The following ABLIM2 variants were observed in gnomAD, a reference collection of about 807,000 sequenced individuals.
ABLIM2 encodes actin binding LIM protein family member 2.
In ABLIM2, 53 loss-of-function variants were observed where a neutral mutation model predicts 97.7. The ratio of observed to expected loss-of-function variants is 0.54; its 90% CI spans 0.44 to 0.68. The LOEUF is 0.68. Among genes scored for constraint, ABLIM2 ranks in the 30% least tolerant of loss-of-function variants. The pLI, the probability that ABLIM2 is intolerant of heterozygous loss-of-function variation, is 0.00. For missense variants in ABLIM2, 835 were observed against 867.2 expected (o/e 0.96, Z 0.47); for synonymous variants, 361 against 345.8 (o/e 1.04, Z -0.49).
intron 11 of ABLIM2, 68 bp from the exon 12 acceptor site, chr4:8,027,925 C>T (rs1778441913): frequency 1.8e-6 from 2 of 1,126,082 alleles, no homozygotes; most frequent in Non-Finnish European, 2.5e-6. Flanking sequence ...ACATATTCCT[C>T]ATCCCCACTC....
chr4:7,976,878 TACAC>T (rs958772307), intron 20 of ABLIM2, among the ~76,000 whole-genome samples: 4 of 149,384 alleles, frequency 2.7e-5, no homozygotes, highest in East Asian at 2.0e-4. Flanking sequence ...TACATAAACA[TACAC>T]ACACGCATAT....
rs1045817828 is a variant in ABLIM2, at chr4:7,970,866, G to A, written c.1825-3763C>T. On this transcript the variant is annotated intron_variant, in intron 20 of 20. Coordinates refer to ENST00000447017, the MANE Select transcript of ABLIM2 (RefSeq NM_001130083.2). The surrounding 1 kb of genome is among the most constrained non-coding windows in gnomAD (Gnocchi z 5.3). ...TGTCCCGAGCATGTGGGCTGGGCCA[G>A]GCCACTCGTATGTGGCCTACAGGGC... is the stretch of plus-strand genomic sequence containing the variant. Among the ~76,000 whole-genome samples, 4 of 152,044 alleles carry A rather than the reference G, an allele frequency of 2.6e-5. No homozygotes were observed. The highest frequency in any genetic ancestry group is 5.9e-5 in the Non-Finnish European group (4 of 67,992).
In ABLIM2 at chr4:8,071,888, T is replaced by C; in HGVS notation, c.675+5740A>G. ...CTTCAGCCAACAGTCTGTCACCTGC[T>C]CCTGCTGCGCCCTGGGAGTCCACTG... On this transcript the variant is annotated intron_variant, in intron 6 of 20. Transcript: ENST00000447017. The surrounding 1 kb of genome is among the most constrained non-coding windows in gnomAD (Gnocchi z 6.2). The C allele has an allele frequency of 1.0e-6, 1 of 985,430 alleles. No individual in the cohort carries two copies. Among genetic ancestry groups the C allele is most frequent in the Non-Finnish European group, 1.2e-6 (1 of 829,980 alleles). 61.0% of individuals were successfully genotyped at this position (985,430 alleles called of 1,614,324 possible).
At chr4:8,029,342 C>T (rs1779359483) in intron 11 of ABLIM2, among the ~76,000 whole-genome samples, 1 of 152,184 alleles carries the variant, frequency 6.6e-6, no homozygotes, top group Admixed American at 6.5e-5. Context: ...TCTCTTGCCA[C>T]CCAATCATTA....
intron 14 of ABLIM2, chr4:8,010,431 T>C: frequency 6.1e-6 from 6 of 985,914 alleles, no homozygotes; most frequent in Non-Finnish European, 7.2e-6. Context: ...GCTTCTTACC[T>C]GCAGCGGGCG....
chr4:8,045,316 C>G (rs1791594133), intron 8 of ABLIM2, 75 bp from the exon 9 acceptor site: 3 of 1,335,816 alleles, frequency 2.2e-6, no homozygotes, highest in Non-Finnish European at 3.2e-6. Context: ...GTCAGGAGTT[C>G]CACTCCAGCA....
At position 8,089,732 on chromosome 4, in the gene ABLIM2, C is replaced by CAAA. The variant is rs58396378; in HGVS notation, c.339-1451_339-1449dup. The stretch of plus-strand genomic sequence containing the variant: ...CTGGGCCAAAGAGTGAGATTCATAT[C>CAAA]AAAAAAAAAAAAAAAAAAAAAAAGC... On this transcript the variant is annotated intron_variant, in intron 3 of 20. Coordinates refer to ENST00000447017, the MANE Select transcript of ABLIM2 (RefSeq NM_001130083.2). Among the ~76,000 whole-genome samples the CAAA allele has an allele frequency of 1.7e-3, 148 of 87,578 alleles. 2 individuals carry two copies. The highest frequency in any genetic ancestry group is 3.2e-3 in the African/African-American group (83 of 25,796). 57.5% of individuals were successfully genotyped at this position (87,578 alleles called of 152,430 possible).
At position 8,127,474 on chromosome 4, in the gene ABLIM2, C is replaced by T. The variant is rs1053528279; in HGVS notation, c.11-20837G>A. Reference sequence around the variant, plus strand: ...TTCATGGAGCTCACAGCTCCCAGTCCCCTGAAGCTGACTCATGGAGCTCAC... The same window carrying T: ...TTCATGGAGCTCACAGCTCCCAGTCTCCTGAAGCTGACTCATGGAGCTCAC... On this transcript the variant is annotated intron_variant, in intron 1 of 20. Coordinates refer to ENST00000447017, the MANE Select transcript of ABLIM2 (RefSeq NM_001130083.2). The surrounding 1 kb of genome is among the most constrained non-coding windows in gnomAD (Gnocchi z 7.3). 3.1e-6 allele frequency: 4 copies of T among 1,285,102 alleles called. No individual in the cohort carries two copies. Among genetic ancestry groups the T allele is most frequent in the Non-Finnish European group, 4.1e-6 (4 of 985,144 alleles). The allele number at this position is 1,285,102 out of a possible 1,614,324, so 79.6% of individuals were successfully genotyped here.
chr4:7,999,148 C>T lies in ABLIM2; in HGVS notation c.1619-6221G>A, dbSNP rs1283936300. On this transcript the variant is annotated intron_variant, in intron 16 of 20. Coordinates refer to ENST00000447017, the MANE Select transcript of ABLIM2 (RefSeq NM_001130083.2). This position sits in a 1 kb window ranked among gnomAD's most constrained non-coding sequence, Gnocchi z 4.4. ...TGGCGTGATCTTGGCTCACTGCAAC[C>T]TCCTGGGTTCAAGCGATTCTCCTGC... Among the ~76,000 whole-genome samples, 1 of 152,160 alleles carries T rather than the reference C, an allele frequency of 6.6e-6. No individual in the cohort carries two copies. Among genetic ancestry groups the T allele is most frequent in the Non-Finnish European group, 1.5e-5 (1 of 68,028 alleles).
intron 16 of ABLIM2, among the ~76,000 whole-genome samples, chr4:8,000,300 C>T (rs147661088): frequency 0.019 from 2,928 of 152,246 alleles, 42 homozygotes; most frequent in Non-Finnish European, 0.03. Context: ...TGAGCCTCAA[C>T]AACCCTCAGA....
intron 14 of ABLIM2, among the ~76,000 whole-genome samples, chr4:8,009,783 G>A (rs1763717277): frequency 6.6e-6 from 1 of 152,192 alleles, no homozygotes; most frequent in African/African-American, 2.4e-5. Context: ...TGACTTGGGC[G>A]AGGGGCTCTG....
chr4:8,036,072 T>C, intron 10 of ABLIM2, 77 bp downstream of exon 10: 1 of 1,542,156 alleles, frequency 6.5e-7, no homozygotes, highest in Non-Finnish European at 8.8e-7. Flanking sequence ...ATAGGACACA[T>C]GCTAGGGATG....
intron 2 of ABLIM2, among the ~76,000 whole-genome samples, chr4:8,106,118 G>A (rs574251418): frequency 1.8e-4 from 27 of 152,322 alleles, no homozygotes; most frequent in African/African-American, 6.0e-4. Context: ...CAAAGGTCCC[G>A]CGTGTCCCCC....
Position 8,082,069 on chromosome 4 carries a change from G to C in ABLIM2, c.455-1267C>G, listed in dbSNP as rs1173805960. ...TTTAAGGGTGTGGTTGTGTGTTGGG[G>C]GCATGACAAGGGAAGGGCCTCGGAC... On this transcript the variant is annotated intron_variant, in intron 4 of 20. Transcript: ENST00000447017. This position sits in a 1 kb window ranked among gnomAD's most constrained non-coding sequence, Gnocchi z 5.6. Among the ~76,000 whole-genome samples the C allele has an allele frequency of 6.6e-6, 1 of 152,094 alleles. No individual in the cohort carries two copies. Among genetic ancestry groups the C allele is most frequent in the Non-Finnish European group, 1.5e-5 (1 of 68,012 alleles).
At chr4:8,009,901 G>A (rs1042898814) in intron 14 of ABLIM2, among the ~76,000 whole-genome samples, 2 of 152,120 alleles carry the variant, frequency 1.3e-5, no homozygotes, top group African/African-American at 2.4e-5. Context: ...CCAAGGTCAC[G>A]GGCAAGTGGG....
chr4:8,107,347 C>G (rs556362400), intron 1 of ABLIM2, among the ~76,000 whole-genome samples: 7 of 152,246 alleles, frequency 4.6e-5, no homozygotes, highest in Non-Finnish European at 1.0e-4. Context: ...GACCAGCGCC[C>G]AGGACAGAGG....
At position 7,966,940 on chromosome 4, in the gene ABLIM2, GC is replaced by G. The variant is rs759759859; in HGVS notation, c.*49del. The G allele has an allele frequency of 2.7e-6, 4 of 1,466,026 alleles. No individual in the cohort carries two copies. Among genetic ancestry groups the G allele is most frequent in the Non-Finnish European group, 1.9e-6 (2 of 1,056,202 alleles). 90.8% of individuals were successfully genotyped at this position (1,466,026 alleles called of 1,614,324 possible). The stretch of plus-strand genomic sequence containing the variant: ...GGGGTGTGTGCGGTTCTCGCCAGGG[GC>G]CCCTGGCCTCGGCGCCCGGCACACA... On this transcript the variant is annotated 3_prime_UTR_variant, in exon 21 of 21. Transcript: ENST00000447017.
chr4:8,063,943 A>G (rs1805198363), intron 6 of ABLIM2, among the ~76,000 whole-genome samples: 2 of 152,214 alleles, frequency 1.3e-5, no homozygotes, highest in African/African-American at 2.4e-5. Context: ...TAGTCGCTCC[A>G]TAAATGACCC....
intron 14 of ABLIM2, among the ~76,000 whole-genome samples, chr4:8,009,623 T>C (rs895211982): frequency 1.2e-4 from 18 of 152,272 alleles, no homozygotes; most frequent in Middle Eastern, 3.4e-3. Context: ...CTTGAACTCT[T>C]GATCTCAAGT....
Sources: gnomAD v4.1 joint callset for allele counts (sites outside exome capture counted in the v4.1 genomes callset) on GRCh38, gnomAD v4.1.1 for gene constraint, Gnocchi (gnomAD v3.1) non-coding constraint, MANE v1.5 for transcripts, NCBI Gene and HGNC (gene_info 2026-07-23, HGNC 2026-07-21) for gene names.